The following EEF2K variants were observed in gnomAD, a reference collection of about 807,000 sequenced individuals.
The protein encoded by EEF2K is alternative protein EEF2K.
EEF2K carries 70 observed loss-of-function variants against 93.8 expected under a neutral mutation model. The ratio of observed to expected loss-of-function variants is 0.75; its 90% CI spans 0.62 to 0.91. The LOEUF (loss-of-function observed/expected upper bound fraction) is 0.91. EEF2K is among the 40% of genes least tolerant of loss of function. EEF2K has a pLI of 0.00. For missense variants in EEF2K, 935 were observed against 972.9 expected (o/e 0.96, Z 0.52); for synonymous variants, 376 against 380.8 (o/e 0.99, Z 0.15).
intron 6 of EEF2K, 132 bp downstream of exon 6, chr16:22,251,454 C>G (rs553928418): frequency 1.6e-5 from 19 of 1,199,030 alleles, no homozygotes; most frequent in Non-Finnish European, 1.6e-5. Flanking sequence ...TGCTCTGTCA[C>G]CCACCACCAA....
chr16:22,219,267 G>T (rs1048501760), intron 1 of EEF2K, among the ~76,000 whole-genome samples: 1 of 152,184 alleles, frequency 6.6e-6, no homozygotes, highest in Admixed American at 6.6e-5. Context: ...TATCTGCCAA[G>T]TTAGGACTAT....
At chr16:22,282,925 T>TAATA (rs1257245816) in intron 17 of EEF2K, among the ~76,000 whole-genome samples, 28 of 152,280 alleles carry the variant, frequency 1.8e-4, no homozygotes, top group African/African-American at 6.7e-4. Flanking sequence ...CCCTAACATA[T>TAATA]AATAAACATA....
chr16:22,244,538 C>A, intron 2 of EEF2K, 92 bp from the exon 3 acceptor site: 1 of 1,231,046 alleles, frequency 8.1e-7, no homozygotes, highest in Non-Finnish European at 1.2e-6. Flanking sequence ...TCTGCCTCTC[C>A]AGAGGAAATA....
In EEF2K at chr16:22,212,571, C is replaced by T. The variant is rs1015595568; in HGVS notation, c.-77+5892C>T. Among the ~76,000 whole-genome samples the T allele has an allele frequency of 2.2e-4, 34 of 152,088 alleles. 1 individual carries two copies. The highest frequency in any genetic ancestry group is 1.8e-4 in the Non-Finnish European group (12 of 68,018). Reference sequence around the variant, plus strand: ...TCCTGACCTCGTGATCCGCCTGCCTCGGCCTCCCAAAGTGCTGGGATTACA... The same window carrying T: ...TCCTGACCTCGTGATCCGCCTGCCTTGGCCTCCCAAAGTGCTGGGATTACA... On this transcript the variant is annotated intron_variant, in intron 1 of 17. Transcript: ENST00000263026.
chr16:22,255,814 G>T (rs770731523), intron 6 of EEF2K, among the ~76,000 whole-genome samples: 5 of 152,102 alleles, frequency 3.3e-5, no homozygotes, highest in Non-Finnish European at 5.9e-5. Context: ...GGAGGCTGAG[G>T]TGGGAGGATC....
At chr16:22,275,176 G>GT (rs1257437558) in intron 16 of EEF2K, among the ~76,000 whole-genome samples, 2 of 152,110 alleles carry the variant, frequency 1.3e-5, no homozygotes, top group Admixed American at 6.5e-5. Context: ...TGGGCACTGA[G>GT]TATTTGCATC....
intron 1 of EEF2K, among the ~76,000 whole-genome samples, chr16:22,208,252 G>A (rs963758278): frequency 2.0e-5 from 3 of 152,188 alleles, no homozygotes; most frequent in Non-Finnish European, 4.4e-5. Context: ...CAGGGGCGTG[G>A]TGGCTCAGGC....
intron 16 of EEF2K, among the ~76,000 whole-genome samples, chr16:22,274,032 G>A (rs2047610913): frequency 1.3e-5 from 2 of 152,296 alleles, no homozygotes; most frequent in African/African-American, 4.8e-5. Context: ...ATGGCTGGGC[G>A]CGGTGGCTCA....
chr16:22,216,827 A>C (rs941537952), intron 1 of EEF2K, among the ~76,000 whole-genome samples: 1 of 152,070 alleles, frequency 6.6e-6, no homozygotes, highest in African/African-American at 2.4e-5. Context: ...CTCATTTATC[A>C]TACCTGGAAA....
chr16:22,238,667 G>GAA lies in EEF2K; in HGVS notation c.247-5945_247-5944dup, dbSNP rs10708756. 2.9e-4 allele frequency among the ~76,000 whole-genome samples: 27 copies of GAA among 93,452 alleles called. 1 individual carries two copies. The highest frequency in any genetic ancestry group is 7.9e-4 in the African/African-American group (21 of 26,526). The allele number at this position is 93,452 out of a possible 152,430, so 61.3% of individuals were successfully genotyped here. A position where few individuals can be genotyped will look rare whatever the true frequency, so the allele number is the denominator to read the frequency against. ...CTGGTCTCAAAAAAAAAGAAAAAAG[G>GAA]AAAAAAAAAAAAAAAAAAAGCACTG... On this transcript the variant is annotated intron_variant, in intron 2 of 17. Coordinates refer to ENST00000263026, the MANE Select transcript of EEF2K (RefSeq NM_013302.5).
At chr16:22,283,356 T>C (rs774064399) in intron 17 of EEF2K, among the ~76,000 whole-genome samples, 1 of 149,368 alleles carries the variant, frequency 6.7e-6, no homozygotes, top group Non-Finnish European at 1.5e-5. Context: ...AAATCTATAA[T>C]CTTTTATTTG....
chr16:22,254,031 G>A (rs925442794), intron 6 of EEF2K, among the ~76,000 whole-genome samples: 5 of 152,228 alleles, frequency 3.3e-5, no homozygotes, highest in South Asian at 4.1e-4. Context: ...CACGAGAGGC[G>A]GAGGCTGCAG....
chr16:22,243,622 C>T (rs899484229), intron 2 of EEF2K, among the ~76,000 whole-genome samples: 2 of 151,650 alleles, frequency 1.3e-5, no homozygotes, highest in African/African-American at 4.8e-5. Context: ...GGCCAGCACT[C>T]GCTAAAATGT....
At chr16:22,254,102 A>ATAGTAG (rs752817538) in intron 6 of EEF2K, among the ~76,000 whole-genome samples, 3 of 151,114 alleles carry the variant, frequency 2.0e-5, no homozygotes, top group African/African-American at 7.3e-5. Flanking sequence ...CCATCCCCAA[A>ATAGTAG]TAGTAGTAGT....
intron 15 of EEF2K, among the ~76,000 whole-genome samples, chr16:22,267,595 CAA>C (rs879136725): frequency 1.1e-4 from 15 of 132,746 alleles, no homozygotes; most frequent in South Asian, 9.8e-4. Flanking sequence ...ATCCTGTCTC[CAA>C]AAAAAAAAAA....
intron 1 of EEF2K, among the ~76,000 whole-genome samples, chr16:22,209,600 G>GT (rs1393872776): frequency 2.0e-5 from 3 of 152,192 alleles, no homozygotes; most frequent in South Asian, 2.1e-4. Flanking sequence ...AAGAATCAGT[G>GT]TTTTTTGTTG....
chr16:22,280,167 C>T (rs139921711), intron 16 of EEF2K, 31 bp from the exon 17 acceptor site: 173 of 1,440,164 alleles, frequency 1.2e-4, no homozygotes, highest in Non-Finnish European at 1.4e-4. Context: ...CCATGGTAAC[C>T]TCCACCTTTC....
chr16:22,275,238 T>A (rs2047622808), intron 16 of EEF2K, among the ~76,000 whole-genome samples: 1 of 152,198 alleles, frequency 6.6e-6, no homozygotes, highest in Admixed American at 6.5e-5. Context: ...TTTGAGGTGA[T>A]AAGTTTTTAT....
At chr16:22,252,689 C>G (rs913670977) in intron 6 of EEF2K, among the ~76,000 whole-genome samples, 3 of 152,162 alleles carry the variant, frequency 2.0e-5, no homozygotes, top group Non-Finnish European at 2.9e-5. Flanking sequence ...TTTCACACTT[C>G]TGATAAAGAC....
Sources: allele counts gnomAD v4.1 joint callset (sites outside exome capture counted in the v4.1 genomes callset), GRCh38; gene constraint gnomAD v4.1.1; transcripts MANE v1.5; gene names NCBI Gene and HGNC (gene_info 2026-07-23, HGNC 2026-07-21).